UBE2E2: variants seen among roughly 807,000 people sequenced by gnomAD.
The protein encoded by UBE2E2 is ubiquitin-conjugating enzyme E2 E2.
UBE2E2 carries 6 observed loss-of-function variants against 24.7 expected under a neutral mutation model. The observed-to-expected ratio is 0.24, with a 90% confidence interval of 0.13 to 0.48. The LOEUF (loss-of-function observed/expected upper bound fraction) is 0.48. Among genes scored for constraint, UBE2E2 ranks in the 20% least tolerant of loss-of-function variants. UBE2E2 has a pLI of 0.99. For synonymous variants in UBE2E2, 104 were observed against 83.6 expected (o/e 1.24, Z -1.33); for missense variants, 169 against 245.0 (o/e 0.69, Z 2.07).
upstream of UBE2E2, chr3:23,203,163 C>T: frequency 1.0e-6 from 1 of 985,156 alleles, no homozygotes; most frequent in Non-Finnish European, 1.2e-6. Flanking sequence ...GGTGGCTTCA[C>T]TTTCCAGGAC....
intron 5 of UBE2E2, among the ~76,000 whole-genome samples, chr3:23,562,052 C>A (rs920759336): frequency 2.6e-5 from 4 of 152,078 alleles, no homozygotes; most frequent in African/African-American, 9.7e-5. Flanking sequence ...TAATTGAATA[C>A]CCTTTATTTC....
intron 5 of UBE2E2, among the ~76,000 whole-genome samples, chr3:23,573,096 C>T (rs574686788): frequency 6.6e-6 from 1 of 152,030 alleles, no homozygotes; most frequent in African/African-American, 2.4e-5. Context: ...AGATATCAAA[C>T]CCTACTATAA....
At chr3:23,297,895 G>T (rs79517742) in intron 3 of UBE2E2, among the ~76,000 whole-genome samples, 9 of 151,604 alleles carry the variant, frequency 5.9e-5, no homozygotes, top group Admixed American at 5.9e-4. Flanking sequence ...CCATTTTCAC[G>T]ATATTGATTC....
chr3:23,578,934 A>G (rs1413584977), intron 5 of UBE2E2, among the ~76,000 whole-genome samples: 3 of 152,112 alleles, frequency 2.0e-5, no homozygotes, highest in Non-Finnish European at 4.4e-5. Context: ...TTAAAAGTTA[A>G]AAAAAAATTT....
intron 5 of UBE2E2, among the ~76,000 whole-genome samples, chr3:23,563,101 C>T (rs1695976428): frequency 6.6e-6 from 1 of 151,946 alleles, no homozygotes; most frequent in Non-Finnish European, 1.5e-5. Context: ...TTATTTCTTG[C>T]CTTCTGCTAG....
At chr3:23,300,664 G>A (rs1164581856) in intron 3 of UBE2E2, among the ~76,000 whole-genome samples, 2 of 152,180 alleles carry the variant, frequency 1.3e-5, no homozygotes, top group Admixed American at 6.6e-5. Flanking sequence ...CTGTTAGTCT[G>A]ATGGGCTTCC....
At chr3:23,256,197 G>A (rs1189123629) in intron 3 of UBE2E2, among the ~76,000 whole-genome samples, 2 of 152,090 alleles carry the variant, frequency 1.3e-5, no homozygotes, top group Non-Finnish European at 2.9e-5. Flanking sequence ...TTCTTTTTGG[G>A]ATACACATGC....
chr3:23,391,630 ATTTTC>A (rs985364396), intron 3 of UBE2E2, among the ~76,000 whole-genome samples: 3 of 152,078 alleles, frequency 2.0e-5, no homozygotes, highest in Non-Finnish European at 4.4e-5. Flanking sequence ...TTGCCATCTG[ATTTTC>A]TTTTGTTTCC....
chr3:23,242,225 C>G (rs77708114), intron 3 of UBE2E2, among the ~76,000 whole-genome samples: 1 of 152,100 alleles, frequency 6.6e-6, no homozygotes, highest in Non-Finnish European at 1.5e-5. Context: ...AATCATCAAG[C>G]CTGGCCAAGT....
intron 3 of UBE2E2, among the ~76,000 whole-genome samples, chr3:23,368,955 C>T (rs2125338406): frequency 6.6e-6 from 1 of 152,168 alleles, no homozygotes; most frequent in Admixed American, 6.5e-5. Context: ...TTATATAAAC[C>T]ATTACTCTAA....
At chr3:23,253,370 T>C (rs1697631945) in intron 3 of UBE2E2, among the ~76,000 whole-genome samples, 1 of 152,204 alleles carries the variant, frequency 6.6e-6, no homozygotes, top group East Asian at 1.9e-4. Flanking sequence ...ATGGGCATAG[T>C]ACACAAACTG....
intron 3 of UBE2E2, among the ~76,000 whole-genome samples, chr3:23,494,827 C>T (rs1699570248): frequency 6.6e-6 from 1 of 151,968 alleles, no homozygotes; most frequent in Non-Finnish European, 1.5e-5. Flanking sequence ...TGGGTTCAAG[C>T]AATTCTCCTG....
chr3:23,356,205 A>G (rs985403143), intron 3 of UBE2E2, among the ~76,000 whole-genome samples: 1 of 152,196 alleles, frequency 6.6e-6, no homozygotes, highest in Non-Finnish European at 1.5e-5. Context: ...ACCCAGGAAG[A>G]GAGTCAGGGA....
At chr3:23,507,287 A>G (rs1694479801) in intron 4 of UBE2E2, among the ~76,000 whole-genome samples, 1 of 151,658 alleles carries the variant, frequency 6.6e-6, no homozygotes, top group East Asian at 1.9e-4. Context: ...CTTCCTCACA[A>G]CCACTAGTAT....
chr3:23,281,189 T>A (rs1323945192), intron 3 of UBE2E2, among the ~76,000 whole-genome samples: 1 of 151,584 alleles, frequency 6.6e-6, no homozygotes, highest in East Asian at 1.9e-4. Context: ...ATTCAGTCAA[T>A]AGCAGAGGTA....
chr3:23,499,136 G>A (rs1699666098), intron 3 of UBE2E2, among the ~76,000 whole-genome samples: 1 of 152,166 alleles, frequency 6.6e-6, no homozygotes, highest in South Asian at 2.1e-4. Flanking sequence ...AGTCCTTTGG[G>A]TGGGGAGAAA....
chr3:23,277,721 A>G (rs1315788033), intron 3 of UBE2E2, among the ~76,000 whole-genome samples: 2 of 152,114 alleles, frequency 1.3e-5, no homozygotes, highest in African/African-American at 4.8e-5. Flanking sequence ...TGTTTAGTGA[A>G]TGCTTACTAT....
At chr3:23,207,102 A>G (rs1245752159) in intron 1 of UBE2E2, among the ~76,000 whole-genome samples, 1 of 152,214 alleles carries the variant, frequency 6.6e-6, no homozygotes, top group Non-Finnish European at 1.5e-5. Flanking sequence ...TGACAAAACC[A>G]TGGGGAGCAC....
chr3:23,567,829 C>A (rs896434073), intron 5 of UBE2E2, among the ~76,000 whole-genome samples: 2 of 152,210 alleles, frequency 1.3e-5, no homozygotes, highest in African/African-American at 2.4e-5. Flanking sequence ...ATATCCTAGA[C>A]ACTTTGTTGG....
Sources: gnomAD v4.1 joint callset for allele counts (sites outside exome capture counted in the v4.1 genomes callset) on GRCh38, gnomAD v4.1.1 for gene constraint, MANE v1.5 for transcripts, NCBI Gene and HGNC (gene_info 2026-07-23, HGNC 2026-07-21) for gene names.